The following PTPRC variants were observed in gnomAD, a reference collection of about 807,000 sequenced individuals.
The protein encoded by PTPRC is receptor-type tyrosine-protein phosphatase C.
In PTPRC, 44 loss-of-function variants were observed where a neutral mutation model predicts 155.9. The ratio of observed to expected loss-of-function variants is 0.28; its 90% confidence interval spans 0.22 to 0.36. The LOEUF (loss-of-function observed/expected upper bound fraction) is 0.36. PTPRC is among the 10% of genes least tolerant of loss of function. The pLI is 1.00. For synonymous variants in PTPRC, 525 were observed against 533.1 expected, an observed-to-expected ratio of 0.98 and a Z score of 0.21; for missense variants, 1,401 against 1,564.6, an observed-to-expected ratio of 0.90 and a Z score of 1.76.
At position 198,703,288 on chromosome 1, in the gene PTPRC, T is replaced by C. The variant is rs1374593131; in HGVS notation, c.584-10T>C. On this transcript the variant is annotated splice_polypyrimidine_tract_variant and intron_variant, in intron 6 of 32. Coordinates refer to ENST00000442510, the MANE Select transcript of PTPRC (RefSeq NM_002838.5). ...AATTAGCTTTTATTCTTCTATTCATTTTCTTGCAGATGCCTACCTTAATGC... is the reference window on the plus strand; with the variant it reads ...AATTAGCTTTTATTCTTCTATTCATCTTCTTGCAGATGCCTACCTTAATGC... The C allele has an allele frequency of 1.9e-6, 3 of 1,612,736 alleles. No homozygotes were observed. The East Asian group carries it at 6.7e-5, about 36-fold the overall frequency.
At chr1:198,675,329 A>G (rs574436178) in intron 2 of PTPRC, among the ~76,000 whole-genome samples, 47 of 152,320 alleles carry the variant, frequency 3.1e-4, no homozygotes, top group Non-Finnish European at 5.4e-4. Flanking sequence ...TGTATTTATT[A>G]TAGAAAAAAT....
At chr1:198,643,941 C>A (rs569673316) in intron 2 of PTPRC, among the ~76,000 whole-genome samples, 1 of 152,000 alleles carries the variant, frequency 6.6e-6, no homozygotes, top group East Asian at 1.9e-4. Context: ...GGAATAATTT[C>A]TTTACAGACA....
chr1:198,752,560 C>T (rs1469818053), intron 30 of PTPRC, 34 bp from the exon 31 acceptor site: 1 of 1,596,446 alleles, frequency 6.3e-7, no homozygotes, highest in South Asian at 1.1e-5. Flanking sequence ...CTGAACTTCA[C>T]TCCAGTTAAT....
At chr1:198,692,043 A>ACC (rs1665954347) in intron 2 of PTPRC, among the ~76,000 whole-genome samples, 1 of 152,098 alleles carries the variant, frequency 6.6e-6, no homozygotes, top group African/African-American at 2.4e-5. Flanking sequence ...AAAAAGTTTC[A>ACC]AAAGTTTTTC....
intron 11 of PTPRC, among the ~76,000 whole-genome samples, chr1:198,710,578 C>T (rs138675477): frequency 1.5e-4 from 23 of 152,268 alleles, no homozygotes; most frequent in African/African-American, 5.5e-4. Flanking sequence ...AGATATCTTT[C>T]CATTAATTTA....
intron 9 of PTPRC, among the ~76,000 whole-genome samples, chr1:198,707,325 A>G (rs1207897318): frequency 2.0e-5 from 3 of 152,200 alleles, no homozygotes; most frequent in Non-Finnish European, 2.9e-5. Context: ...TCTGAAATAT[A>G]TTAGGGAGAA....
chr1:198,674,573 T>C (rs1000752348), intron 2 of PTPRC, among the ~76,000 whole-genome samples: 2 of 148,832 alleles, frequency 1.3e-5, no homozygotes, highest in African/African-American at 4.9e-5. Context: ...AACATATAAT[T>C]ATAACATAAT....
At chr1:198,740,841 T>C (rs1279513916) in intron 23 of PTPRC, among the ~76,000 whole-genome samples, 3 of 151,862 alleles carry the variant, frequency 2.0e-5, no homozygotes, top group Non-Finnish European at 4.4e-5. Context: ...ACTACAAGTC[T>C]TTACATGGGG....
intron 2 of PTPRC, among the ~76,000 whole-genome samples, chr1:198,644,740 T>C (rs1037683935): frequency 2.6e-5 from 4 of 151,852 alleles, no homozygotes; most frequent in African/African-American, 9.7e-5. Context: ...CATAGTACCT[T>C]CAATTGATTG....
chr1:198,689,079 C>A (rs1165951979), intron 2 of PTPRC, among the ~76,000 whole-genome samples: 3 of 152,110 alleles, frequency 2.0e-5, no homozygotes, highest in Non-Finnish European at 4.4e-5. Flanking sequence ...CTAAATTATT[C>A]TTTAAAAAAG....
In PTPRC at chr1:198,735,261, G is replaced by C; in HGVS notation, c.2403+9G>C. 1.9e-6 allele frequency: 3 copies of C among 1,591,834 alleles called. No homozygotes were observed. Among genetic ancestry groups the C allele is most frequent in the Non-Finnish European group, 2.6e-6 (3 of 1,166,632 alleles). Reference sequence around the variant, plus strand: ...AATTGAACATTGTAAATGTGAGTTTGCTTTTTACATAATTTTTGTTTTGAT... The same window carrying C: ...AATTGAACATTGTAAATGTGAGTTTCCTTTTTACATAATTTTTGTTTTGAT... On this transcript the variant is annotated intron_variant, in intron 23 of 32. Transcript: ENST00000442510.
At chr1:198,742,179 C>G in intron 24 of PTPRC, 53 bp from the exon 25 acceptor site, 1 of 1,611,044 alleles carries the variant, frequency 6.2e-7, no homozygotes, top group Non-Finnish European at 8.5e-7. Flanking sequence ...TGGCTTCACA[C>G]CTGACAGCTT....
intron 31 of PTPRC, among the ~76,000 whole-genome samples, chr1:198,753,645 A>T (rs1655489122): frequency 6.6e-6 from 1 of 152,094 alleles, no homozygotes; most frequent in Non-Finnish European, 1.5e-5. Context: ...TTCTTAGAAT[A>T]TGATTTATGT....
At chr1:198,666,513 T>C (rs1664317261) in intron 2 of PTPRC, among the ~76,000 whole-genome samples, 1 of 152,154 alleles carries the variant, frequency 6.6e-6, no homozygotes, top group Non-Finnish European at 1.5e-5. Context: ...GATGCTATAG[T>C]AAATGTAAAA....
chr1:198,747,021 T>G (rs12569358), intron 26 of PTPRC, among the ~76,000 whole-genome samples: 28,146 of 151,688 alleles, frequency 0.19, 3,158 homozygotes, highest in African/African-American at 0.3. Flanking sequence ...TACATGCGTG[T>G]GTGTGTATAT....
Position 198,693,980 on chromosome 1 carries a change from T to C in PTPRC, c.100+1607T>C. On this transcript the variant is annotated intron_variant, in intron 3 of 32. Coordinates refer to ENST00000442510, the MANE Select transcript of PTPRC (RefSeq NM_002838.5). ...ATGTGTATATGAGGGGTAGTTTATG[T>C]GATTGACACACAATCACGAGGTGAA... 2.0e-6 allele frequency: 3 copies of C among 1,537,886 alleles called. No individual in the cohort carries two copies. In the South Asian group the frequency reaches 3.7e-5, roughly 19 times the overall value.
intron 2 of PTPRC, among the ~76,000 whole-genome samples, chr1:198,677,007 CTTAAA>C (rs1262865917): frequency 1.3e-5 from 2 of 152,282 alleles, no homozygotes; most frequent in Admixed American, 6.5e-5. Context: ...CTTATAACCT[CTTAAA>C]TTAGTTTTAT....
intron 2 of PTPRC, among the ~76,000 whole-genome samples, chr1:198,642,112 C>A (rs577766263): frequency 6.6e-6 from 1 of 152,090 alleles, no homozygotes; most frequent in East Asian, 1.9e-4. Context: ...ACAGGAAAGA[C>A]TACGGCTAGG....
intron 2 of PTPRC, among the ~76,000 whole-genome samples, chr1:198,684,838 C>T (rs948914557): frequency 6.6e-6 from 1 of 151,968 alleles, no homozygotes; most frequent in African/African-American, 2.4e-5. Flanking sequence ...TTGCCTCATT[C>T]TCCCAAGTGC....
Sources: allele counts gnomAD v4.1 joint callset (sites outside exome capture counted in the v4.1 genomes callset), GRCh38; gene constraint gnomAD v4.1.1; transcripts MANE v1.5; gene names NCBI Gene and HGNC (gene_info 2026-07-23, HGNC 2026-07-21).